BRI3BP: variants seen among roughly 807,000 people sequenced by gnomAD.
BRI3BP encodes BRI3-binding protein.
A neutral mutation model predicts 15.8 loss-of-function variants in BRI3BP; 7 were observed. The observed-to-expected ratio is 0.44, with a 90% confidence interval of 0.25 to 0.83. BRI3BP has a LOEUF of 0.83. BRI3BP is among the 40% of genes least tolerant of loss of function. The probability of loss-of-function intolerance (pLI) is 0.20; values close to 1 mark genes in which losing one functional copy is unlikely to be tolerated. For synonymous variants in BRI3BP, 192 were observed against 163.5 expected, an observed-to-expected ratio of 1.17 and a Z score of -1.33; for missense variants, 320 against 339.3, an observed-to-expected ratio of 0.94 and a Z score of 0.45.
At chr12:125,011,202 C>T (rs561125977) in intron 1 of BRI3BP, among the ~76,000 whole-genome samples, 75 of 151,926 alleles carry the variant, frequency 4.9e-4, no homozygotes, top group African/African-American at 1.8e-3. Flanking sequence ...CAGCACTCTG[C>T]GTGATGCAGC....
chr12:125,008,118 C>CTGT (rs1565903539), intron 1 of BRI3BP, among the ~76,000 whole-genome samples: 1 of 151,820 alleles, frequency 6.6e-6, no homozygotes, highest in Non-Finnish European at 1.5e-5. Context: ...GCTGCTGCTG[C>CTGT]TAGTCCGGGC....
At chr12:125,034,274 G>A (rs754503373), downstream of BRI3BP, among the ~76,000 whole-genome samples, 9 of 151,814 alleles carry the variant, frequency 5.9e-5, no homozygotes, top group East Asian at 1.7e-3. Flanking sequence ...TCGAACTACC[G>A]ACCTCAGGTG....
At chr12:125,015,648 C>T (rs1481369065) in intron 2 of BRI3BP, among the ~76,000 whole-genome samples, 1 of 152,232 alleles carries the variant, frequency 6.6e-6, no homozygotes, top group Non-Finnish European at 1.5e-5. Context: ...GTGGGGTCCA[C>T]TGGCCATGAT....
At chr12:125,009,358 C>T (rs867859179) in intron 1 of BRI3BP, among the ~76,000 whole-genome samples, 1 of 132,238 alleles carries the variant, frequency 7.6e-6, no homozygotes, top group East Asian at 2.3e-4. Context: ...GGCATGATCT[C>T]GGCTCATTGC....
At chr12:125,000,318 T>TTTG (rs1555216330) in intron 1 of BRI3BP, among the ~76,000 whole-genome samples, 7 of 143,412 alleles carry the variant, frequency 4.9e-5, no homozygotes, top group Admixed American at 1.4e-4. Context: ...ATTTTTTTTT[T>TTTG]TTTTTTTTTT....
intron 1 of BRI3BP, among the ~76,000 whole-genome samples, chr12:124,994,205 C>T (rs1020828930): frequency 6.6e-6 from 1 of 151,902 alleles, no homozygotes; most frequent in Non-Finnish European, 1.5e-5. Flanking sequence ...GGCCGGGCCT[C>T]GGGGCGCCCT....
In BRI3BP at chr12:125,030,793, G is replaced by C. The variant is rs1050197993; in HGVS notation, c.*5363G>C. On this transcript the variant is annotated 3_prime_UTR_variant, in exon 3 of 3. Transcript: ENST00000341446. ...ACACTAAAAACCCAATGAAGCAATT[G>C]TCTCCCTCTTCTTAACTGGAAATCA... 2.6e-5 allele frequency: 4 copies of C among 152,160 alleles called. No homozygotes were observed. Among genetic ancestry groups the C allele is most frequent in the Non-Finnish European group, 5.9e-5 (4 of 68,038 alleles). The allele number at this position is 152,160 out of a possible 1,614,324, so 9.4% of individuals were successfully genotyped here. A position where few individuals can be genotyped will look rare whatever the true frequency, so the allele number is the denominator to read the frequency against.
chr12:125,001,583 C>G (rs1300166383), intron 1 of BRI3BP, among the ~76,000 whole-genome samples: 1 of 151,616 alleles, frequency 6.6e-6, no homozygotes. Context: ...CTGTGTTGCC[C>G]AGGCTGGTCT....
At chr12:125,017,960 A>G (rs868565732) in intron 2 of BRI3BP, among the ~76,000 whole-genome samples, 13 of 152,234 alleles carry the variant, frequency 8.5e-5, no homozygotes, top group Middle Eastern at 6.8e-3. Flanking sequence ...TGTTTACCCT[A>G]TCAGCGAGTC....
the BRI3BP span, among the ~76,000 whole-genome samples, chr12:125,050,140 C>G: frequency 6.6e-6 from 1 of 152,126 alleles, no homozygotes; most frequent in African/African-American, 2.4e-5. Context: ...ATCACGAGGT[C>G]ACGAGATCGA....
At chr12:125,044,493 A>G in the BRI3BP span, among the ~76,000 whole-genome samples, 1 of 146,874 alleles carries the variant, frequency 6.8e-6, no homozygotes, top group African/African-American at 2.5e-5. Flanking sequence ...TCTGCTGCCC[A>G]GACTGGAGTG....
chr12:125,044,310 G>C, the BRI3BP span, among the ~76,000 whole-genome samples: 1 of 151,620 alleles, frequency 6.6e-6, no homozygotes, highest in Non-Finnish European at 1.5e-5. Flanking sequence ...GCGCCACCAT[G>C]CTAGCTAAGT....
chr12:124,996,573 C>T (rs1955042701), intron 1 of BRI3BP, among the ~76,000 whole-genome samples: 1 of 151,874 alleles, frequency 6.6e-6, no homozygotes, highest in African/African-American at 2.4e-5. Flanking sequence ...GATCTGCCGA[C>T]CTCAGCCTTC....
At chr12:125,010,644 C>T (rs1217856903) in intron 1 of BRI3BP, among the ~76,000 whole-genome samples, 1 of 151,916 alleles carries the variant, frequency 6.6e-6, no homozygotes, top group African/African-American at 2.4e-5. Flanking sequence ...GGCATGGTGG[C>T]GCATGCCTGT....
chr12:125,004,697 G>A (rs1955127414), intron 1 of BRI3BP, among the ~76,000 whole-genome samples: 1 of 152,024 alleles, frequency 6.6e-6, no homozygotes, highest in Admixed American at 6.6e-5. Context: ...TCAGACTTCT[G>A]TAGTTTTTCC....
Position 125,027,111 on chromosome 12 carries a change from A to G in BRI3BP, c.*1681A>G, listed in dbSNP as rs1217451533. The G allele has an allele frequency of 1.3e-5, 2 of 152,120 alleles. No individual in the cohort carries two copies. The highest frequency in any genetic ancestry group is 4.8e-5 in the African/African-American group (2 of 41,422). 9.4% of individuals were successfully genotyped at this position (152,120 alleles called of 1,614,324 possible). A position where few individuals can be genotyped will look rare whatever the true frequency, so the allele number is the denominator to read the frequency against. ...AACCCCTGCCAGACCTGCTACAACC[A>G]AGACCTTATGGTCCAGGTCTCAGTT... On this transcript the variant is annotated 3_prime_UTR_variant, in exon 3 of 3. Coordinates refer to ENST00000341446, the MANE Select transcript of BRI3BP (RefSeq NM_080626.6).
chr12:125,019,870 A>G lies in BRI3BP; in HGVS notation c.317-5121A>G, dbSNP rs377092473. Among the ~76,000 whole-genome samples, 5 of 151,534 alleles carry G rather than the reference A, an allele frequency of 3.3e-5. No individual in the cohort carries two copies. In the East Asian group the frequency reaches 9.6e-4, roughly 29 times the overall value. On this transcript the variant is annotated intron_variant, in intron 2 of 2. Coordinates refer to ENST00000341446, the MANE Select transcript of BRI3BP (RefSeq NM_080626.6). ...TAGAAACAGTTGCTTTTTGTGAAAA[A>G]TATTTTGTGTTAACCTATTGTCTTG...
chr12:125,050,218 C>T, the BRI3BP span, among the ~76,000 whole-genome samples: 1 of 151,842 alleles, frequency 6.6e-6, no homozygotes, highest in African/African-American at 2.4e-5. Context: ...GGCATGGTGG[C>T]GGGCGCCTGT....
Position 125,004,263 on chromosome 12 carries a change from T to G in BRI3BP, c.214-8271T>G, listed in dbSNP as rs1955123702. On this transcript the variant is annotated intron_variant, in intron 1 of 2. Coordinates refer to ENST00000341446, the MANE Select transcript of BRI3BP (RefSeq NM_080626.6). ...ACACAGCTCACTTGCAGCTTCAACC[T>G]CCCAGGTTCGATGATCCCCCAGCCT... Among the ~76,000 whole-genome samples the G allele has an allele frequency of 2.6e-5, 4 of 152,112 alleles. No individual in the cohort carries two copies. In the South Asian group the frequency reaches 6.2e-4, roughly 24 times the overall value.
Sources: allele counts gnomAD v4.1 joint callset (sites outside exome capture counted in the v4.1 genomes callset), GRCh38; gene constraint gnomAD v4.1.1; transcripts MANE v1.5; gene names NCBI Gene and HGNC (gene_info 2026-07-23, HGNC 2026-07-21).